The following INO80 variants were observed in gnomAD, a reference collection of about 807,000 sequenced individuals.
The protein encoded by INO80 is chromatin-remodeling ATPase INO80.
Under a neutral mutation model 203.4 loss-of-function variants are expected in INO80, and 20 were observed. The observed-to-expected ratio is 0.10, with a 90% confidence interval of 0.07 to 0.14. The LOEUF is 0.14. Among genes scored for constraint, INO80 ranks in the 10% least tolerant of loss-of-function variants. INO80 has a pLI of 1.00. For synonymous variants in INO80, 726 were observed against 685.2 expected, an observed-to-expected ratio of 1.06 and a Z score of -0.93; for missense variants, 1,419 against 1,914.4, an observed-to-expected ratio of 0.74 and a Z score of 4.83.
rs777562636 is a variant in INO80 at position 41,091,981 on chromosome 15, C to T, written c.537+46G>A. On this transcript the variant is annotated intron_variant, in intron 5 of 35. Transcript: ENST00000648947. ...TGATGTATCTTTAATGACTATAAAG[C>T]AGAGGGTGAATATTCAGTTTGAAGT... is the stretch of plus-strand genomic sequence containing the variant. 21 of 1,525,360 alleles carry T rather than the reference C, an allele frequency of 1.4e-5. No individual in the cohort carries two copies. In the South Asian group the frequency reaches 2.4e-4, roughly 18 times the overall value. The allele number at this position is 1,525,360 out of a possible 1,614,324, so 94.5% of individuals were successfully genotyped here.
intron 1 of INO80, 24 bp downstream of exon 1, chr15:41,115,949 C>T (rs1003644579): frequency 2.6e-6 from 1 of 385,422 alleles, no homozygotes; most frequent in Admixed American, 4.5e-5. Flanking sequence ...ACTCCGTTCG[C>T]CCGCCCACGT....
At chr15:41,058,870 A>G in intron 15 of INO80, 89 bp from the exon 16 acceptor site, 1 of 1,272,328 alleles carries the variant, frequency 7.9e-7, no homozygotes, top group Non-Finnish European at 1.1e-6. Context: ...TAGGGCCAAA[A>G]TGTTTAAGAC....
intron 24 of INO80, 65 bp from the exon 25 acceptor site, chr15:41,027,801 A>C: frequency 7.6e-7 from 1 of 1,313,776 alleles, no homozygotes; most frequent in Non-Finnish European, 1.0e-6. Flanking sequence ...AAATGAAAAA[A>C]AAAGCCACAT....
rs771356698 is a variant in INO80, at chr15:41,003,329, C to CTTTTTTTTTTTTTTTTTTTTTTTTTT, written c.3497+2263_3497+2264insAAAAAAAAAAAAAAAAAAAAAAAAAA. ...TGGGATTGTGGGTGATTTTTCTTTT[C>CTTTTTTTTTTTTTTTTTTTTTTTTTT]TTTTCTTTTTTTTTTTTTTGAGATG... On this transcript the variant is annotated intron_variant, in intron 28 of 35. Coordinates refer to ENST00000648947, the MANE Select transcript of INO80 (RefSeq NM_017553.3). Among the ~76,000 whole-genome samples the CTTTTTTTTTTTTTTTTTTTTTTTTTT allele has an allele frequency of 9.3e-5, 10 of 107,576 alleles. 5 individuals are homozygous for CTTTTTTTTTTTTTTTTTTTTTTTTTT. Among genetic ancestry groups the CTTTTTTTTTTTTTTTTTTTTTTTTTT allele is most frequent in the Non-Finnish European group, 1.1e-4 (6 of 53,386 alleles). 70.6% of individuals were successfully genotyped at this position (107,576 alleles called of 152,430 possible).
chr15:41,042,906 T>C (rs1220755311), intron 24 of INO80, among the ~76,000 whole-genome samples: 2 of 152,218 alleles, frequency 1.3e-5, no homozygotes, highest in Non-Finnish European at 2.9e-5. Flanking sequence ...TCCACACATA[T>C]ATAAGCTTTC....
intron 14 of INO80, among the ~76,000 whole-genome samples, chr15:41,061,077 C>T (rs544887218): frequency 1.3e-5 from 2 of 152,266 alleles, no homozygotes; most frequent in African/African-American, 4.8e-5. Context: ...GAGACTGAGG[C>T]TGGCAGATCA....
In INO80 at chr15:40,997,511, T is replaced by G. The variant is rs761072258; in HGVS notation, c.3570+18A>C. 116 of 1,549,068 alleles carry G rather than the reference T, an allele frequency of 7.5e-5. 2 individuals are homozygous for G. In the Middle Eastern group the frequency reaches 3.7e-3, roughly 49 times the overall value. On this transcript the variant is annotated intron_variant, in intron 29 of 35. Coordinates refer to ENST00000648947, the MANE Select transcript of INO80 (RefSeq NM_017553.3). ...TAGAAAACCTGCATATCTAGTTGAT[T>G]GTGCTCTCATTACTTACTGTGTCTG...
intron 1 of INO80, among the ~76,000 whole-genome samples, chr15:41,101,342 C>T (rs2045804604): frequency 6.6e-6 from 1 of 152,134 alleles, no homozygotes; most frequent in Non-Finnish European, 1.5e-5. Flanking sequence ...CCCTTTTACC[C>T]ACCTTCTACC....
intron 1 of INO80, among the ~76,000 whole-genome samples, chr15:41,111,696 G>A (rs903515239): frequency 3.2e-4 from 48 of 150,202 alleles, no homozygotes; most frequent in South Asian, 2.1e-4. Context: ...CTAGCTACTC[G>A]GGAGGCTGAG....
chr15:40,983,869 C>T lies in INO80; in HGVS notation c.4130G>A (p.Ser1377Asn). 1 of 1,613,544 alleles carries T rather than the reference C, an allele frequency of 6.2e-7. No individual in the cohort carries two copies. The highest frequency in any genetic ancestry group is 8.5e-7 in the Non-Finnish European group (1 of 1,179,996). ...ATCCACAATGACCAGCATGTCACTG[C>T]TGCTCTCGTCCAGGGGAATGGAGCC... ...HTGSIPLDES[S>N]SDMLVIVDDP... The change falls in exon 34 of 36, where the codon AGC (serine) becomes AAC (asparagine). Residue 1377 changes from serine (S) to asparagine (N), a missense_variant. By Grantham distance (46) the Ser-to-Asn change is conservative. Coordinates refer to ENST00000648947, the MANE Select transcript of INO80 (RefSeq NM_017553.3).
At chr15:41,046,197 GTATACATACATATATATATATATATA>G (rs1566926479) in intron 23 of INO80, among the ~76,000 whole-genome samples, 1 of 105,148 alleles carries the variant, frequency 9.5e-6, no homozygotes, top group African/African-American at 5.0e-5. Flanking sequence ...CTCTGTGTGC[GTATACATACATATATATATATATATA>G]TATATATATA....
intron 19 of INO80, among the ~76,000 whole-genome samples, chr15:41,051,890 G>A (rs977886259): frequency 3.3e-5 from 5 of 152,018 alleles, no homozygotes; most frequent in Admixed American, 1.3e-4. Flanking sequence ...TCCGGCAGGC[G>A]GAGGTTGCAG....
chr15:41,103,114 T>C (rs1294281690), intron 1 of INO80, among the ~76,000 whole-genome samples: 4 of 152,210 alleles, frequency 2.6e-5, no homozygotes, highest in Non-Finnish European at 5.9e-5. Context: ...CTTTCCTATT[T>C]ATATAACAAT....
At chr15:41,115,941 T>A in intron 1 of INO80, 32 bp downstream of exon 1, 1 of 372,896 alleles carries the variant, frequency 2.7e-6, no homozygotes, top group Non-Finnish European at 4.8e-6. Flanking sequence ...CAACCCCCAC[T>A]CCGTTCGCCC....
At chr15:41,053,772 AATT>A (rs575587059) in intron 19 of INO80, among the ~76,000 whole-genome samples, 154 bp downstream of exon 19, 48 of 152,296 alleles carry the variant, frequency 3.2e-4, no homozygotes, top group African/African-American at 9.4e-4. Flanking sequence ...TATTTTCCTC[AATT>A]ATTTGCCTCA....
intron 24 of INO80, among the ~76,000 whole-genome samples, chr15:41,041,176 T>C (rs969961819): frequency 2.0e-5 from 3 of 151,790 alleles, no homozygotes; most frequent in Non-Finnish European, 4.4e-5. Context: ...AGGCGATCCT[T>C]CCACCTCAGC....
intron 28 of INO80, among the ~76,000 whole-genome samples, chr15:41,005,127 G>T (rs1292912960): frequency 2.0e-5 from 3 of 150,046 alleles, no homozygotes; most frequent in African/African-American, 7.3e-5. Context: ...CCGGGGAGGC[G>T]GAGGCTGCAG....
intron 10 of INO80, 22 bp from the exon 11 acceptor site, chr15:41,073,517 T>C (rs560376606): frequency 6.5e-7 from 1 of 1,543,368 alleles, no homozygotes; most frequent in Non-Finnish European, 9.0e-7. Flanking sequence ...AATTTATGGA[T>C]TATCACACTT....
At chr15:41,112,945 G>A (rs560558562) in intron 1 of INO80, among the ~76,000 whole-genome samples, 7 of 151,570 alleles carry the variant, frequency 4.6e-5, no homozygotes, top group East Asian at 3.9e-4. Flanking sequence ...GAGCCAGCTC[G>A]GGCTCTGTCG....
Sources: gnomAD v4.1 joint callset for allele counts (sites outside exome capture counted in the v4.1 genomes callset) on GRCh38, gnomAD v4.1.1 for gene constraint, MANE v1.5 for transcripts, NCBI Gene and HGNC (gene_info 2026-07-23, HGNC 2026-07-21) for gene names.